ATP11A: variants seen among roughly 807,000 people sequenced by gnomAD.
The protein encoded by ATP11A is phospholipid-transporting ATPase IH.
A neutral mutation model predicts 154.4 loss-of-function variants in ATP11A; 81 were observed. That is an observed-to-expected ratio of 0.52 (90% CI 0.44 to 0.63). The LOEUF (loss-of-function observed/expected upper bound fraction) is 0.63. ATP11A is among the 30% of genes least tolerant of loss of function. The pLI is 0.00. For missense variants in ATP11A, 1,316 were observed against 1,474.3 expected (o/e 0.89, Z 1.76); for synonymous variants, 623 against 585.9 (o/e 1.06, Z -0.91).
Position 112,697,897 on chromosome 13 carries a change from C to T in ATP11A, c.39+7442C>T, listed in dbSNP as rs1037928878. Among the ~76,000 whole-genome samples the T allele has an allele frequency of 1.3e-5, 2 of 152,100 alleles. No individual in the cohort carries two copies. Among genetic ancestry groups the T allele is most frequent in the African/African-American group, 2.4e-5 (1 of 41,412 alleles). On this transcript the variant is annotated intron_variant, in intron 1 of 29. Coordinates refer to ENST00000375645, the MANE Select transcript of ATP11A (RefSeq NM_015205.3). This position sits in a 1 kb window ranked among gnomAD's most constrained non-coding sequence, Gnocchi z 4.0. ...CCCTGAAACTACTTTCATTTTAAAA[C>T]GATGAGTTCCTAAGAACTAGACTCT...
At chr13:112,834,267 A>C (rs1175961842) in intron 14 of ATP11A, among the ~76,000 whole-genome samples, 2 of 152,178 alleles carry the variant, frequency 1.3e-5, no homozygotes, top group Admixed American at 6.5e-5. Flanking sequence ...CAATGAGCAA[A>C]AGTGTCATCG....
At chr13:112,849,764 G>T (rs555336797) in intron 17 of ATP11A, among the ~76,000 whole-genome samples, 2 of 152,252 alleles carry the variant, frequency 1.3e-5, no homozygotes, top group Non-Finnish European at 2.9e-5. Flanking sequence ...CACAGCCAGA[G>T]AACCCAGTGC....
intron 14 of ATP11A, among the ~76,000 whole-genome samples, chr13:112,833,228 G>A (rs1024736217): frequency 6.6e-6 from 1 of 152,144 alleles, no homozygotes; most frequent in African/African-American, 2.4e-5. Context: ...CTGGTCCCCG[G>A]CGCGTGAGTC....
intron 2 of ATP11A, among the ~76,000 whole-genome samples, chr13:112,792,709 G>A (rs866588724): frequency 2.0e-5 from 3 of 152,144 alleles, no homozygotes; most frequent in African/African-American, 4.8e-5. Flanking sequence ...AGCACGCCCC[G>A]TTCCCTGCTT....
Position 112,884,128 on chromosome 13 carries a change from G to A in ATP11A, c.*2262G>A, listed in dbSNP as rs1008094008. Reference sequence around the variant, plus strand: ...GAATGTTCCAATCTCTGATGAATGCGAATTTTCAGATTTGATTTTATTCTC... The same window carrying A: ...GAATGTTCCAATCTCTGATGAATGCAAATTTTCAGATTTGATTTTATTCTC... On this transcript the variant is annotated 3_prime_UTR_variant, in exon 30 of 30. Coordinates refer to ENST00000375645, the MANE Select transcript of ATP11A (RefSeq NM_015205.3). The A allele has an allele frequency of 2.6e-5, 4 of 152,406 alleles. No homozygotes were observed. Among genetic ancestry groups the A allele is most frequent in the African/African-American group, 7.2e-5 (3 of 41,408 alleles). 9.4% of individuals were successfully genotyped at this position (152,406 alleles called of 1,614,324 possible).
At chr13:112,721,882 C>T (rs1351563326) in intron 1 of ATP11A, among the ~76,000 whole-genome samples, 1 of 152,212 alleles carries the variant, frequency 6.6e-6, no homozygotes. Context: ...AGGAGGTTCA[C>T]CAGGCCGTCA....
intron 1 of ATP11A, among the ~76,000 whole-genome samples, chr13:112,717,948 A>T (rs1056868926): frequency 6.6e-6 from 1 of 152,184 alleles, no homozygotes; most frequent in African/African-American, 2.4e-5. Flanking sequence ...GTGGTGGTGC[A>T]TGCCTGTAAT....
intron 2 of ATP11A, among the ~76,000 whole-genome samples, chr13:112,795,252 A>G (rs865863488): frequency 6.6e-6 from 1 of 152,256 alleles, no homozygotes; most frequent in South Asian, 2.1e-4. Flanking sequence ...CTCAAAATAA[A>G]TAAATAAATA....
intron 25 of ATP11A, among the ~76,000 whole-genome samples, chr13:112,863,354 C>G (rs1385770619): frequency 6.7e-5 from 9 of 133,826 alleles, no homozygotes; most frequent in South Asian, 5.0e-4. Context: ...TCACCACCTG[C>G]GCAGTAATTC....
In ATP11A at chr13:112,875,720, A is replaced by G; in HGVS notation, c.3162-56A>G. The G allele has an allele frequency of 6.4e-7, 1 of 1,571,394 alleles. No homozygotes were observed. The highest frequency in any genetic ancestry group is 1.2e-5 in the South Asian group (1 of 86,368). On this transcript the variant is annotated intron_variant, in intron 27 of 29. Coordinates refer to ENST00000375645, the MANE Select transcript of ATP11A (RefSeq NM_015205.3). This position sits in a 1 kb window ranked among gnomAD's most constrained non-coding sequence, Gnocchi z 4.1. The stretch of plus-strand genomic sequence containing the variant: ...CAGACGGCCTCTCCAGTGAGTAGAG[A>G]GGCCAGCCCCAGGGAGTACATGCCT...
In ATP11A at chr13:112,882,483, C is replaced by T. The variant is rs372998212; in HGVS notation, c.*617C>T. 6.1e-5 allele frequency: 28 copies of T among 458,968 alleles called. 1 individual carries two copies. In the East Asian group the frequency reaches 7.1e-4, roughly 12 times the overall value. The allele number at this position is 458,968 out of a possible 1,614,324, so 28.4% of individuals were successfully genotyped here. A position where few individuals can be genotyped will look rare whatever the true frequency, so the allele number is the denominator to read the frequency against. On this transcript the variant is annotated 3_prime_UTR_variant, in exon 30 of 30. Coordinates refer to ENST00000375645, the MANE Select transcript of ATP11A (RefSeq NM_015205.3). This position sits in a 1 kb window ranked among gnomAD's most constrained non-coding sequence, Gnocchi z 5.1. ...TCCTTTACTCAACAACCCTCCAATCCGGATGCTGTGGGAAGGGCCGGGTCA... is the reference window on the plus strand; with the variant it reads ...TCCTTTACTCAACAACCCTCCAATCTGGATGCTGTGGGAAGGGCCGGGTCA...
chr13:112,774,886 T>G (rs1224492795), intron 1 of ATP11A, among the ~76,000 whole-genome samples: 2 of 150,618 alleles, frequency 1.3e-5, no homozygotes, highest in Non-Finnish European at 3.0e-5. Context: ...AGAGCGTCGT[T>G]GGCGTGCGAG....
chr13:112,701,406 C>G (rs1019112028), intron 1 of ATP11A, among the ~76,000 whole-genome samples: 1 of 152,180 alleles, frequency 6.6e-6, no homozygotes, highest in Admixed American at 6.6e-5. Context: ...AATAATCTAC[C>G]TTTTGAAGGA....
Position 112,859,463 on chromosome 13 carries a change from G to A in ATP11A, c.2727+11G>A. The A allele has an allele frequency of 6.2e-7, 1 of 1,608,854 alleles. No individual in the cohort carries two copies. The highest frequency in any genetic ancestry group is 8.5e-7 in the Non-Finnish European group (1 of 1,175,342). On this transcript the variant is annotated intron_variant, in intron 23 of 29. Transcript: ENST00000375645. The surrounding 1 kb of genome is among the most constrained non-coding windows in gnomAD (Gnocchi z 4.3). The stretch of plus-strand genomic sequence containing the variant: ...GGGTTTTCACAACAGGTCAGTCCTA[G>A]GGTCTTCAGGGACAGGCTGTCTGAG...
At chr13:112,881,652 G>A (rs1309551239) in intron 29 of ATP11A, 2 of 1,199,556 alleles carry the variant, frequency 1.7e-6, no homozygotes, top group Non-Finnish European at 2.1e-6. Context: ...CTGGTGGGGT[G>A]GATCCCGCCC....
chr13:112,795,982 A>G lies in ATP11A; in HGVS notation c.163-8975A>G, dbSNP rs566623379. Among the ~76,000 whole-genome samples, 18 of 152,346 alleles carry G rather than the reference A, an allele frequency of 1.2e-4. 1 individual carries two copies. The East Asian group carries it at 3.3e-3, about 28-fold the overall frequency. On this transcript the variant is annotated intron_variant, in intron 2 of 29. Coordinates refer to ENST00000375645, the MANE Select transcript of ATP11A (RefSeq NM_015205.3). Reference sequence around the variant, plus strand: ...TGTTTCATAGTATGCTAAAGAGTAAATATTTCCAGAATTTCGATAGAGTAC... The same window carrying G: ...TGTTTCATAGTATGCTAAAGAGTAAGTATTTCCAGAATTTCGATAGAGTAC...
intron 12 of ATP11A, among the ~76,000 whole-genome samples, chr13:112,828,440 C>T (rs2079002298): frequency 6.7e-6 from 1 of 149,412 alleles, no homozygotes; most frequent in Admixed American, 6.7e-5. Flanking sequence ...GGGAAAGTGC[C>T]CAGCAGTGTT....
intron 2 of ATP11A, among the ~76,000 whole-genome samples, chr13:112,790,074 G>A (rs1300113335): frequency 2.7e-5 from 4 of 145,922 alleles, no homozygotes; most frequent in African/African-American, 7.6e-5. Flanking sequence ...GCATCCTGAC[G>A]TGTAGACTCC....
intron 2 of ATP11A, among the ~76,000 whole-genome samples, chr13:112,797,844 C>A (rs1051926432): frequency 1.3e-5 from 2 of 152,192 alleles, no homozygotes; most frequent in Non-Finnish European, 2.9e-5. Context: ...AAGAACACAG[C>A]ACTAAAGTGT....
Sources: allele counts gnomAD v4.1 joint callset (sites outside exome capture counted in the v4.1 genomes callset), GRCh38; gene constraint gnomAD v4.1.1; non-coding constraint Gnocchi (gnomAD v3.1); transcripts MANE v1.5; gene names NCBI Gene and HGNC (gene_info 2026-07-23, HGNC 2026-07-21).